NUS1: variants seen among roughly 807,000 people sequenced by gnomAD.
The protein encoded by NUS1 is NUS1 dehydrodolichyl diphosphate synthase subunit.
For missense variants in NUS1, 292 were observed against 382.9 expected (o/e 0.76, Z 1.98); for synonymous variants, 135 against 155.2 (o/e 0.87, Z 0.97).
chr6:117,675,693 T>C lies in NUS1; in HGVS notation c.23T>C (p.Val8Ala). Residue 8 changes from valine (V) to alanine (A), a missense_variant, in exon 1 of 5, where the codon GTG becomes GCG. Transcript: ENST00000368494. ...AGTATGACGGGGCTGTACGAGCTGG[T>C]GTGGCGGGTGCTGCACGCGCTGCTC... is the stretch of plus-strand genomic sequence containing the variant. MTGLYEL[V>A]WRVLHALLCL... 8 of 1,497,412 alleles carry C rather than the reference T, an allele frequency of 5.3e-6. No individual in the cohort carries two copies. The highest frequency in any genetic ancestry group is 7.2e-6 in the Non-Finnish European group (8 of 1,112,902). The allele number at this position is 1,497,412 out of a possible 1,614,324, so 92.8% of individuals were successfully genotyped here.
At chr6:117,683,118 T>A (rs1773086166) in intron 1 of NUS1, among the ~76,000 whole-genome samples, 1 of 152,200 alleles carries the variant, frequency 6.6e-6, no homozygotes, top group South Asian at 2.1e-4. Context: ...ATTCTCATTT[T>A]AAAAATGTCC....
intron 3 of NUS1, among the ~76,000 whole-genome samples, chr6:117,699,965 T>C (rs2114691540): frequency 6.6e-6 from 1 of 152,230 alleles, no homozygotes; most frequent in Non-Finnish European, 1.5e-5. Flanking sequence ...TGGAAAATAA[T>C]GAAACTAGAA....
Position 117,703,689 on chromosome 6 carries a change from G to T in NUS1, c.776G>T (p.Arg259Ile). Residue 259 changes from arginine to isoleucine, a missense_variant, in exon 4 of 5, where the codon AGA (arginine) becomes ATA (isoleucine). Arg to Ile is a moderately conservative substitution (Grantham distance 97). Coordinates refer to ENST00000368494, the MANE Select transcript of NUS1 (RefSeq NM_138459.5). ...TTAGGCTTTCTTCCCTGGCACATCA[G>T]ATTGACTGAGATTGTGTAAGTAATT... ...STLGFLPWHI[R>I]LTEIVSLPSH... The T allele has an allele frequency of 6.2e-7, 1 of 1,610,714 alleles. No individual in the cohort carries two copies. Among genetic ancestry groups the T allele is most frequent in the Non-Finnish European group, 8.5e-7 (1 of 1,176,904 alleles).
chr6:117,701,009 A>G (rs1276076145), intron 3 of NUS1, among the ~76,000 whole-genome samples: 2 of 151,300 alleles, frequency 1.3e-5, no homozygotes, highest in Admixed American at 1.3e-4. Flanking sequence ...GTGTACAAAA[A>G]AAAAAATTGA....
intron 1 of NUS1, among the ~76,000 whole-genome samples, chr6:117,690,758 G>A (rs1054383643): frequency 3.3e-5 from 5 of 152,000 alleles, no homozygotes; most frequent in Non-Finnish European, 7.4e-5. Context: ...TTGGGAGGCC[G>A]AGGTGGGCGG....
chr6:117,691,572 T>TATATATATATATATAG (rs1773220842), intron 1 of NUS1, among the ~76,000 whole-genome samples: 1 of 145,824 alleles, frequency 6.9e-6, no homozygotes, highest in Non-Finnish European at 1.5e-5. Context: ...TATATATATA[T>TATATATATATATATAG]ATATATATAT....
intron 3 of NUS1, among the ~76,000 whole-genome samples, chr6:117,698,386 G>A (rs1773351497): frequency 6.6e-6 from 1 of 152,064 alleles, no homozygotes; most frequent in South Asian, 2.1e-4. Context: ...TGGCTGCTAT[G>A]AGTAACTATA....
chr6:117,687,666 A>G (rs1773160060), intron 1 of NUS1, among the ~76,000 whole-genome samples: 1 of 152,244 alleles, frequency 6.6e-6, no homozygotes, highest in Admixed American at 6.5e-5. Context: ...TTTGAGGAAC[A>G]TAGGCAATTC....
intron 1 of NUS1, among the ~76,000 whole-genome samples, chr6:117,690,894 C>T (rs754073238): frequency 1.4e-5 from 2 of 147,530 alleles, no homozygotes; most frequent in Non-Finnish European, 3.0e-5. Flanking sequence ...TCAGGAGAAT[C>T]GCATGAACCC....
intron 1 of NUS1, among the ~76,000 whole-genome samples, chr6:117,690,264 A>ATTG (rs1299434142): frequency 6.6e-6 from 1 of 151,890 alleles, no homozygotes; most frequent in African/African-American, 2.4e-5. Context: ...GAGTCTTATG[A>ATTG]TTGTGGGCTT....
chr6:117,691,558 G>GATATAGATATATATATATATATATATAT (rs1554201816), intron 1 of NUS1, among the ~76,000 whole-genome samples: 1 of 136,980 alleles, frequency 7.3e-6, no homozygotes, highest in Non-Finnish European at 1.6e-5. Flanking sequence ...CATAGATATA[G>GATATAGATATATATATATATATATATAT]ATATATATAT....
At chr6:117,680,354 G>A (rs1177924063) in intron 1 of NUS1, among the ~76,000 whole-genome samples, 1 of 152,196 alleles carries the variant, frequency 6.6e-6, no homozygotes, top group Admixed American at 6.5e-5. Flanking sequence ...AGCCTTAGCA[G>A]TGTTGTTTGC....
At position 117,693,121 on chromosome 6, in the gene NUS1, A is replaced by G. The variant is rs1192115791; in HGVS notation, c.495A>G (p.Ser165=). The change falls in exon 2 of 5, where the codon TCA becomes TCG. Residue 165 remains serine, a synonymous_variant. Transcript: ENST00000368494. ...QQQELLGLDC[S]KYSPEFANSN... is the part of the protein sequence containing the mutation. ...AAGAACTTCTGGGCCTAGATTGTTCAAAATACTCACCAGAATTTGCAAATA... is the reference window on the plus strand; with the variant it reads ...AAGAACTTCTGGGCCTAGATTGTTCGAAATACTCACCAGAATTTGCAAATA... The G allele has an allele frequency of 6.2e-7, 1 of 1,612,898 alleles. No individual in the cohort carries two copies. Among genetic ancestry groups the G allele is most frequent in the Admixed American group, 1.7e-5 (1 of 59,990 alleles).
rs1191678657 is a variant in NUS1, at chr6:117,710,408, G to C, written c.*3393G>C. 1.3e-5 allele frequency: 2 copies of C among 151,890 alleles called. No homozygotes were observed. Among genetic ancestry groups the C allele is most frequent in the Non-Finnish European group, 2.9e-5 (2 of 67,942 alleles). The allele number at this position is 151,890 out of a possible 1,614,324, so 9.4% of individuals were successfully genotyped here. A position where few individuals can be genotyped will look rare whatever the true frequency, so the allele number is the denominator to read the frequency against. On this transcript the variant is annotated 3_prime_UTR_variant, in exon 5 of 5. Coordinates refer to ENST00000368494, the MANE Select transcript of NUS1 (RefSeq NM_138459.5). ...CAGTTCTCCAAGATCCTAACTGGTG[G>C]GACATAAACTATGATGCAATGGATA...
chr6:117,704,164 A>T (rs1237069445), intron 4 of NUS1, among the ~76,000 whole-genome samples: 1 of 152,102 alleles, frequency 6.6e-6, no homozygotes, highest in African/African-American at 2.4e-5. Flanking sequence ...CCAGCATAGG[A>T]ATGTGTGTAG....
intron 2 of NUS1, among the ~76,000 whole-genome samples, chr6:117,693,706 A>T (rs1773276712): frequency 6.6e-6 from 1 of 152,174 alleles, no homozygotes; most frequent in South Asian, 2.1e-4. Context: ...TTATACAGGA[A>T]ATTTTAGATG....
At position 117,708,358 on chromosome 6, in the gene NUS1, CT is replaced by C. The variant is rs1156369762; in HGVS notation, c.*1345del. The C allele has an allele frequency of 3.3e-5, 5 of 152,492 alleles. No homozygotes were observed. The highest frequency in any genetic ancestry group is 2.1e-4 in the South Asian group (1 of 4,816). 9.4% of individuals were successfully genotyped at this position (152,492 alleles called of 1,614,324 possible). ...TTTGATAGACTGCTTTCAGAAAACCCTTATCAACAAGTGTACAATACTTATC... is the reference window on the plus strand; with the variant it reads ...TTTGATAGACTGCTTTCAGAAAACCCTATCAACAAGTGTACAATACTTATC... On this transcript the variant is annotated 3_prime_UTR_variant, in exon 5 of 5. Coordinates refer to ENST00000368494, the MANE Select transcript of NUS1 (RefSeq NM_138459.5).
At chr6:117,702,011 T>G (rs934075041) in intron 3 of NUS1, among the ~76,000 whole-genome samples, 2 of 152,196 alleles carry the variant, frequency 1.3e-5, no homozygotes, top group Non-Finnish European at 2.9e-5. Flanking sequence ...TCAAGTTTCC[T>G]TGGCTTTTGA....
intron 3 of NUS1, among the ~76,000 whole-genome samples, chr6:117,695,815 A>G (rs112264252): frequency 1.3e-5 from 2 of 152,030 alleles, no homozygotes; most frequent in East Asian, 3.9e-4. Context: ...CATACAATAT[A>G]TAGTCTTTTA....
Sources: allele counts gnomAD v4.1 joint callset (sites outside exome capture counted in the v4.1 genomes callset), GRCh38; gene constraint gnomAD v4.1.1; transcripts MANE v1.5; gene names NCBI Gene and HGNC (gene_info 2026-07-23, HGNC 2026-07-21).